CACNB2: variants seen among roughly 807,000 people sequenced by gnomAD.
The protein encoded by CACNB2 is voltage-dependent L-type calcium channel subunit beta-2.
Under a neutral mutation model 73.3 loss-of-function variants are expected in CACNB2, and 42 were observed. The ratio of observed to expected loss-of-function variants is 0.57; its 90% confidence interval spans 0.45 to 0.74. CACNB2 has a LOEUF of 0.74. CACNB2 is among the 30% of genes least tolerant of loss of function. CACNB2 has a pLI of 0.00. For synonymous variants in CACNB2, 348 were observed against 310.3 expected (o/e 1.12, Z -1.28); for missense variants, 940 against 853.0 (o/e 1.10, Z -1.27).
chr10:18,216,866 G>A (rs1471235087), intron 2 of CACNB2, among the ~76,000 whole-genome samples: 2 of 152,166 alleles, frequency 1.3e-5, no homozygotes, highest in African/African-American at 4.8e-5. Flanking sequence ...CCAGGTCATA[G>A]GACCAATGAC....
At chr10:18,449,672 C>A (rs1461265621) in intron 3 of CACNB2, among the ~76,000 whole-genome samples, 3 of 152,200 alleles carry the variant, frequency 2.0e-5, no homozygotes, top group Non-Finnish European at 2.9e-5. Context: ...ATGAGGAAGC[C>A]AGGAACGGAG....
intron 3 of CACNB2, among the ~76,000 whole-genome samples, chr10:18,494,631 CAAAAAAA>C (rs909672661): frequency 4.9e-5 from 3 of 61,826 alleles, no homozygotes; most frequent in African/African-American, 1.1e-4. Flanking sequence ...GACTCCGTCT[CAAAAAAA>C]AAAAAAAAAA....
chr10:18,180,913 C>A (rs2033839767), intron 2 of CACNB2, among the ~76,000 whole-genome samples: 1 of 151,812 alleles, frequency 6.6e-6, no homozygotes, highest in Non-Finnish European at 1.5e-5. Context: ...TTGCAGTGAG[C>A]CGAGATCACA....
intron 2 of CACNB2, among the ~76,000 whole-genome samples, chr10:18,399,033 T>C (rs925169042): frequency 6.6e-6 from 1 of 152,114 alleles, no homozygotes; most frequent in African/African-American, 2.4e-5. Context: ...CAAAATTATG[T>C]GTGGGTGTTA....
chr10:18,172,896 C>A (rs772352341), intron 2 of CACNB2, among the ~76,000 whole-genome samples: 156 of 142,362 alleles, frequency 1.1e-3, no homozygotes, highest in Non-Finnish European at 1.9e-3. Context: ...AGTTTCAATT[C>A]ATCTTCAAAT....
At chr10:18,291,015 G>C (rs2039043822) in intron 2 of CACNB2, among the ~76,000 whole-genome samples, 1 of 152,202 alleles carries the variant, frequency 6.6e-6, no homozygotes, top group South Asian at 2.1e-4. Flanking sequence ...ATAAACAAAT[G>C]TCCCTGGTTG....
chr10:18,221,270 C>T (rs1564355087), intron 2 of CACNB2, among the ~76,000 whole-genome samples: 1 of 149,426 alleles, frequency 6.7e-6, no homozygotes, highest in Admixed American at 6.9e-5. Flanking sequence ...TTGATTGTGT[C>T]ATGGAACAAT....
chr10:18,229,742 T>C (rs930136011), intron 2 of CACNB2, among the ~76,000 whole-genome samples: 7 of 152,178 alleles, frequency 4.6e-5, no homozygotes, highest in African/African-American at 1.7e-4. Context: ...TATAGGTTGG[T>C]TTATAGTTAT....
chr10:18,380,523 C>T (rs905482551), intron 2 of CACNB2, among the ~76,000 whole-genome samples: 16 of 139,924 alleles, frequency 1.1e-4, no homozygotes, highest in African/African-American at 3.2e-4. Flanking sequence ...GGTGCAATCT[C>T]GGTTCACTGT....
At chr10:18,406,079 T>C (rs937632996) in intron 3 of CACNB2, among the ~76,000 whole-genome samples, 1 of 152,076 alleles carries the variant, frequency 6.6e-6, no homozygotes, top group African/African-American at 2.4e-5. Flanking sequence ...TTAAAGAAAA[T>C]GTTAGGCCCA....
chr10:18,308,614 T>C (rs2039838423), intron 2 of CACNB2, among the ~76,000 whole-genome samples: 1 of 152,232 alleles, frequency 6.6e-6, no homozygotes, highest in African/African-American at 2.4e-5. Context: ...CAGTGATTTC[T>C]TGGGTTACCA....
chr10:18,489,696 T>C (rs1295184830), intron 3 of CACNB2, among the ~76,000 whole-genome samples: 1 of 152,174 alleles, frequency 6.6e-6, no homozygotes, highest in Non-Finnish European at 1.5e-5. Flanking sequence ...TTGGCCGACA[T>C]TCCGAAAGTG....
chr10:18,350,538 G>A (rs962786337), intron 2 of CACNB2, among the ~76,000 whole-genome samples: 1 of 152,128 alleles, frequency 6.6e-6, no homozygotes. Flanking sequence ...AGCAGCCGAC[G>A]TTCCCTCAGG....
intron 2 of CACNB2, among the ~76,000 whole-genome samples, chr10:18,231,442 G>T (rs954172599): frequency 6.6e-6 from 1 of 152,182 alleles, no homozygotes; most frequent in Non-Finnish European, 1.5e-5. Flanking sequence ...GCCTCCCAAA[G>T]TGCTGGGATT....
intron 2 of CACNB2, among the ~76,000 whole-genome samples, chr10:18,319,480 G>A (rs566922009): frequency 6.6e-6 from 1 of 152,032 alleles, no homozygotes; most frequent in Non-Finnish European, 1.5e-5. Context: ...ATGGCATTAG[G>A]ACAAATGCCT....
chr10:18,442,986 G>A lies in CACNB2; in HGVS notation c.333+40943G>A, dbSNP rs7099349. Among the ~76,000 whole-genome samples the A allele has an allele frequency of 3.0e-3, 57 of 19,152 alleles. 5 individuals are homozygous for A. The highest frequency in any genetic ancestry group is 8.3e-3 in the South Asian group (5 of 606). 12.6% of individuals were successfully genotyped at this position (19,152 alleles called of 152,430 possible). ...TATATATATGTGTATATATATATAT[G>A]TATATATATATGTGTATATATATAT... On this transcript the variant is annotated intron_variant, in intron 3 of 13. Coordinates refer to ENST00000324631, the MANE Select transcript of CACNB2 (RefSeq NM_201596.3).
At position 18,280,487 on chromosome 10, in the gene CACNB2, G is replaced by A. The variant is rs191043738; in HGVS notation, c.214-121437G>A. Among the ~76,000 whole-genome samples, 6 of 152,166 alleles carry A rather than the reference G, an allele frequency of 3.9e-5. No homozygotes were observed. The East Asian group carries it at 5.8e-4, about 15-fold the overall frequency. On this transcript the variant is annotated intron_variant, in intron 2 of 13. Coordinates refer to ENST00000324631, the MANE Select transcript of CACNB2 (RefSeq NM_201596.3). Reference sequence around the variant, plus strand: ...ACTTAATCCCTCTCCTAGTCACTGCGGCCCCTCTGTGTGTATTATAAAAAG... The same window carrying A: ...ACTTAATCCCTCTCCTAGTCACTGCAGCCCCTCTGTGTGTATTATAAAAAG...
intron 2 of CACNB2, among the ~76,000 whole-genome samples, chr10:18,335,303 G>A (rs1453630904): frequency 2.0e-5 from 3 of 152,126 alleles, no homozygotes; most frequent in Non-Finnish European, 4.4e-5. Flanking sequence ...CACAGGGTGT[G>A]ATGGCTCACA....
intron 1 of CACNB2, among the ~76,000 whole-genome samples, chr10:18,145,242 C>T (rs2030845399): frequency 6.6e-6 from 1 of 152,218 alleles, no homozygotes; most frequent in Admixed American, 6.5e-5. Flanking sequence ...AGAGTAGCAG[C>T]TGTTTTCTAG....
Sources: allele counts gnomAD v4.1 joint callset (sites outside exome capture counted in the v4.1 genomes callset), GRCh38; gene constraint gnomAD v4.1.1; transcripts MANE v1.5; gene names NCBI Gene and HGNC (gene_info 2026-07-23, HGNC 2026-07-21).